Variants in HDAC9 observed in about 807,000 individuals in gnomAD.
HDAC9 encodes the protein histone deacetylase 9, also known as MEF-2 interacting transcription repressor (MITR) protein.
Under a neutral mutation model 139.4 loss-of-function variants are expected in HDAC9, and 41 were observed. That is an observed-to-expected ratio of 0.29 (90% confidence interval 0.23 to 0.38). The LOEUF (loss-of-function observed/expected upper bound fraction) is 0.38. Among genes scored for constraint, HDAC9 ranks in the 10% least tolerant of loss-of-function variants. HDAC9 has a pLI of 1.00. For synonymous variants in HDAC9, 517 were observed against 476.2 expected (o/e 1.09, Z -1.12); for missense variants, 1,147 against 1,297.0 (o/e 0.88, Z 1.78).
rs758283810 is a variant in HDAC9 at position 18,350,054 on chromosome 7, G to GT, written c.-42+59545dup. 5.3e-5 allele frequency among the ~76,000 whole-genome samples: 8 copies of GT among 151,894 alleles called. No individual in the cohort carries two copies. In the East Asian group the frequency reaches 1.2e-3, roughly 22 times the overall value. ...AATGCTAATTCAATAGGTTTTCCAGGTTTTTTCTCCCTCTTGTTATTATCT... is the reference window on the plus strand; with the variant it reads ...AATGCTAATTCAATAGGTTTTCCAGGTTTTTTTCTCCCTCTTGTTATTATCT... On this transcript the variant is annotated intron_variant, in intron 1 of 3. Transcript: ENST00000413509.
chr7:18,346,115 G>A (rs644570), intron 1 of HDAC9, among the ~76,000 whole-genome samples: 96,981 of 151,968 alleles, frequency 0.64, 31,073 homozygotes, highest in Middle Eastern at 0.66. Flanking sequence ...TTTAATTACA[G>A]ATCATTTTGC....
At chr7:18,942,875 A>C (rs1289977714) in intron 23 of HDAC9, among the ~76,000 whole-genome samples, 1 of 152,062 alleles carries the variant, frequency 6.6e-6, no homozygotes, top group Non-Finnish European at 1.5e-5. Flanking sequence ...ACATAATGTG[A>C]AACAGGTCTT....
rs10229559 is a variant in HDAC9, at chr7:18,722,986, C to T, written c.1732-4594C>T. ...AGGTAATATGCAGAAAACTTGGAAA[C>T]GACATGAAAGTTCAAAGGAAAAATA... On this transcript the variant is annotated intron_variant, in intron 12 of 25. Transcript: ENST00000686413. Among the ~76,000 whole-genome samples, 416 of 152,094 alleles carry T rather than the reference C, an allele frequency of 2.7e-3. 1 individual carries two copies. The highest frequency in any genetic ancestry group is 9.4e-3 in the African/African-American group (390 of 41,522).
At chr7:18,394,202 C>T (rs1786810142) in intron 1 of HDAC9, among the ~76,000 whole-genome samples, 1 of 151,970 alleles carries the variant, frequency 6.6e-6, no homozygotes. Flanking sequence ...ACAATTATAC[C>T]TTGTTTGTTA....
intron 21 of HDAC9, among the ~76,000 whole-genome samples, chr7:18,871,066 A>G (rs1299451183): frequency 6.6e-6 from 1 of 152,168 alleles, no homozygotes; most frequent in East Asian, 1.9e-4. Flanking sequence ...CATTTATTAG[A>G]TGATATTTTT....
intron 8 of HDAC9, among the ~76,000 whole-genome samples, chr7:18,643,485 G>C (rs183819280): frequency 2.6e-5 from 4 of 152,028 alleles, no homozygotes; most frequent in African/African-American, 9.7e-5. Context: ...CTCTTATTAT[G>C]TTAAGACTAA....
chr7:18,665,955 G>A (rs1239388736), intron 11 of HDAC9, among the ~76,000 whole-genome samples: 1 of 152,028 alleles, frequency 6.6e-6, no homozygotes, highest in Non-Finnish European at 1.5e-5. Context: ...GCATTAAAGA[G>A]TGATCCATTA....
At chr7:18,284,655 G>T (rs1797320820) in intron 2 of HDAC9, among the ~76,000 whole-genome samples, 1 of 152,038 alleles carries the variant, frequency 6.6e-6, no homozygotes, top group East Asian at 1.9e-4. Flanking sequence ...CTAATCTTTG[G>T]GTAAATTAGT....
At chr7:18,695,863 A>G (rs1367607636) in intron 12 of HDAC9, among the ~76,000 whole-genome samples, 1 of 152,180 alleles carries the variant, frequency 6.6e-6, no homozygotes, top group African/African-American at 2.4e-5. Context: ...TATTTTGAAT[A>G]TAATGGACCT....
chr7:18,323,000 C>T (rs1467103511), intron 1 of HDAC9, among the ~76,000 whole-genome samples: 1 of 152,066 alleles, frequency 6.6e-6, no homozygotes, highest in African/African-American at 2.4e-5. Context: ...AACTCCATTA[C>T]TAAAGGGTGG....
intron 2 of HDAC9, among the ~76,000 whole-genome samples, chr7:18,536,238 C>A (rs1031708219): frequency 4.6e-5 from 7 of 152,158 alleles, no homozygotes; most frequent in African/African-American, 1.4e-4. Flanking sequence ...CCAGAGGTCC[C>A]TGGAAGGATG....
intron 17 of HDAC9, among the ~76,000 whole-genome samples, chr7:18,828,369 G>T (rs1795608811): frequency 6.6e-6 from 1 of 152,206 alleles, no homozygotes; most frequent in Non-Finnish European, 1.5e-5. Context: ...TTCTGAGCAT[G>T]CTGGCTTTGC....
At chr7:18,401,919 A>G (rs186752364) in intron 1 of HDAC9, among the ~76,000 whole-genome samples, 3 of 152,230 alleles carry the variant, frequency 2.0e-5, no homozygotes, top group Admixed American at 1.3e-4. Context: ...GATATTCTCA[A>G]TCTGTTGTTC....
intron 1 of HDAC9, among the ~76,000 whole-genome samples, chr7:18,335,879 T>C (rs1021191869): frequency 6.6e-6 from 1 of 151,594 alleles, no homozygotes; most frequent in East Asian, 1.9e-4. Flanking sequence ...CCATAAATAA[T>C]GGCAAGTGTA....
At chr7:18,572,593 A>C (rs1444224750) in intron 2 of HDAC9, among the ~76,000 whole-genome samples, 2 of 152,094 alleles carry the variant, frequency 1.3e-5, no homozygotes, top group Non-Finnish European at 2.9e-5. Context: ...CCACAGAAGT[A>C]ACTCTTTTAT....
chr7:18,491,438 G>A (rs1183568628), upstream of HDAC9, among the ~76,000 whole-genome samples: 1 of 151,864 alleles, frequency 6.6e-6, no homozygotes, highest in Non-Finnish European at 1.5e-5. Flanking sequence ...ATATCACTGT[G>A]GTTGATAATT....
intron 11 of HDAC9, among the ~76,000 whole-genome samples, chr7:18,661,297 A>G (rs758007769): frequency 7.9e-5 from 12 of 152,148 alleles, no homozygotes; most frequent in Non-Finnish European, 1.3e-4. Context: ...TGGGTGATCA[A>G]TACAATTGGG....
At chr7:18,306,374 A>C (rs1765403778) in intron 1 of HDAC9, among the ~76,000 whole-genome samples, 1 of 152,232 alleles carries the variant, frequency 6.6e-6, no homozygotes. Flanking sequence ...TCGCAAAAGC[A>C]AGGAGATATG....
At chr7:18,911,408 C>A (rs897848633) in intron 22 of HDAC9, among the ~76,000 whole-genome samples, 1 of 151,410 alleles carries the variant, frequency 6.6e-6, no homozygotes, top group Non-Finnish European at 1.5e-5. Flanking sequence ...TTATTTGGAT[C>A]TCGTCTCCTT....
Sources: gnomAD v4.1 joint callset for allele counts (sites outside exome capture counted in the v4.1 genomes callset) on GRCh38, gnomAD v4.1.1 for gene constraint, MANE v1.5 for transcripts, NCBI Gene and HGNC (gene_info 2026-07-23, HGNC 2026-07-21) for gene names.